Variants in SCN1A observed in about 807,000 individuals in gnomAD.
The protein encoded by SCN1A is sodium channel protein type 1 subunit alpha.
A neutral mutation model predicts 193.7 loss-of-function variants in SCN1A; 13 were observed. That is an observed-to-expected ratio of 0.07 (90% confidence interval 0.04 to 0.11). The LOEUF (loss-of-function observed/expected upper bound fraction) is 0.11. Among genes scored for constraint, SCN1A ranks in the 10% least tolerant of loss-of-function variants. The pLI is 1.00. For synonymous variants in SCN1A, 781 were observed against 843.6 expected, an observed-to-expected ratio of 0.93 and a Z score of 1.29; for missense variants, 1,432 against 2,451.1, an observed-to-expected ratio of 0.58 and a Z score of 8.78.
chr2:166,101,792 A>G (rs1285435930), intron 2 of SCN1A, among the ~76,000 whole-genome samples: 1 of 152,152 alleles, frequency 6.6e-6, no homozygotes, highest in Admixed American at 6.6e-5. Flanking sequence ...AAACTAAGAA[A>G]TACCTCGATT....
chr2:166,096,761 T>A (rs1183571050), intron 2 of SCN1A, among the ~76,000 whole-genome samples: 1 of 152,214 alleles, frequency 6.6e-6, no homozygotes, highest in Admixed American at 6.5e-5. Context: ...TTTTATTCTA[T>A]GCTATTCTAG....
intron 2 of SCN1A, among the ~76,000 whole-genome samples, chr2:166,116,732 C>A (rs1405125158): frequency 6.6e-6 from 1 of 152,050 alleles, no homozygotes; most frequent in Non-Finnish European, 1.5e-5. Flanking sequence ...ACAAAAAATT[C>A]TTCTTTATAA....
chr2:166,075,384 T>C (rs1684888571), intron 3 of SCN1A: 1 of 152,050 alleles, frequency 6.6e-6, no homozygotes, highest in Non-Finnish European at 1.5e-5. Flanking sequence ...AGTGTATGTA[T>C]ACATATTCTA....
intron 4 of SCN1A, among the ~76,000 whole-genome samples, chr2:166,068,309 G>C (rs1029554395): frequency 6.6e-6 from 1 of 152,118 alleles, no homozygotes; most frequent in Non-Finnish European, 1.5e-5. Context: ...TCATTTTATT[G>C]ATCAACATCA....
intron 19 of SCN1A, among the ~76,000 whole-genome samples, chr2:166,028,869 C>T (rs149006024): frequency 4.1e-4 from 63 of 152,182 alleles, no homozygotes; most frequent in Non-Finnish European, 6.6e-4. Flanking sequence ...GCAATTGCCA[C>T]ACACTCTAAT....
Position 165,992,603 on chromosome 2 carries a change from TCAG to T in SCN1A, c.4853-184_4853-182del, listed in dbSNP as rs1396345740. On this transcript the variant is annotated intron_variant, in intron 28 of 28. Transcript: ENST00000674923. The surrounding 1 kb of genome is among the most constrained non-coding windows in gnomAD (Gnocchi z 6.5). ...ATATTATAAATCTTAATTTTGAAATTCAGCAATAATTTCAATTATAAGGATTAT... is the reference window on the plus strand; with the variant it reads ...ATATTATAAATCTTAATTTTGAAATTCAATAATTTCAATTATAAGGATTAT... The T allele has an allele frequency of 6.3e-6, 2 of 317,746 alleles. No individual in the cohort carries two copies. Among genetic ancestry groups the T allele is most frequent in the African/African-American group, 4.4e-5 (2 of 45,734 alleles). 19.7% of individuals were successfully genotyped at this position (317,746 alleles called of 1,614,324 possible).
chr2:166,040,385 C>G (rs1697025261), intron 16 of SCN1A, among the ~76,000 whole-genome samples: 1 of 152,100 alleles, frequency 6.6e-6, no homozygotes, highest in African/African-American at 2.4e-5. Flanking sequence ...ATCTATTATA[C>G]TAGGTGCATT....
intron 19 of SCN1A, among the ~76,000 whole-genome samples, chr2:166,028,677 T>G (rs1164909047): frequency 1.3e-5 from 2 of 152,204 alleles, no homozygotes; most frequent in African/African-American, 4.8e-5. Context: ...ATTTGATAAA[T>G]GGTAACAATT....
chr2:166,005,103 T>C (rs181103957), intron 23 of SCN1A, among the ~76,000 whole-genome samples: 1 of 151,548 alleles, frequency 6.6e-6, no homozygotes, highest in Admixed American at 6.6e-5. Context: ...TATTACTCTG[T>C]ACTAGAGTTC....
At chr2:166,047,586 T>A in intron 11 of SCN1A, 41 bp downstream of exon 11, 1 of 1,607,952 alleles carries the variant, frequency 6.2e-7, no homozygotes, top group Non-Finnish European at 8.5e-7. Context: ...TTTTCTTGTA[T>A]ACTTTTACTT....
At chr2:166,032,239 A>ATGGAGCTGACT (rs1559183888) in intron 19 of SCN1A, among the ~76,000 whole-genome samples, 3 of 108,868 alleles carry the variant, frequency 2.8e-5, no homozygotes, top group South Asian at 3.5e-4. Context: ...ACACACAGAG[A>ATGGAGCTGACT]CAGAGAGAGA....
At chr2:166,125,821 A>G (rs1264003922) in intron 2 of SCN1A, among the ~76,000 whole-genome samples, 1 of 151,970 alleles carries the variant, frequency 6.6e-6, no homozygotes, top group Non-Finnish European at 1.5e-5. Context: ...CCCTCCTGCC[A>G]TGTCTTAAAG....
intron 2 of SCN1A, among the ~76,000 whole-genome samples, chr2:166,124,649 T>C (rs1013126233): frequency 2.0e-5 from 3 of 152,200 alleles, no homozygotes; most frequent in Admixed American, 6.5e-5. Flanking sequence ...GCAGATGAAT[T>C]ACAGCTCACA....
In SCN1A at chr2:165,991,100, C is replaced by T. The variant is rs1689064650; in HGVS notation, c.*145G>A. 7 of 702,048 alleles carry T rather than the reference C, an allele frequency of 1.0e-5. No individual in the cohort carries two copies. The highest frequency in any genetic ancestry group is 1.7e-5 in the Non-Finnish European group (7 of 423,998). 43.5% of individuals were successfully genotyped at this position (702,048 alleles called of 1,614,324 possible). On this transcript the variant is annotated 3_prime_UTR_variant, in exon 29 of 29. Transcript: ENST00000674923. ...CAGTTTGCTGACAAGGGGTCACTGT[C>T]TTATTGTAGGCACTGACCTTAAGGA...
chr2:166,088,597 T>C (rs118104394), intron 2 of SCN1A, among the ~76,000 whole-genome samples: 2,466 of 152,308 alleles, frequency 0.016, 36 homozygotes, highest in Middle Eastern at 0.037. Flanking sequence ...TTAAATACTA[T>C]TATTACAGTC....
chr2:166,129,603 C>G (rs1337799477), upstream of SCN1A, among the ~76,000 whole-genome samples: 1 of 152,040 alleles, frequency 6.6e-6, no homozygotes, highest in African/African-American at 2.4e-5. Flanking sequence ...GATGAGGAGA[C>G]AGGTGATCAA....
intron 19 of SCN1A, among the ~76,000 whole-genome samples, chr2:166,031,876 C>T (rs1222195379): frequency 5.3e-5 from 8 of 152,044 alleles, no homozygotes; most frequent in South Asian, 2.1e-4. Flanking sequence ...ACACAGTAAG[C>T]GGCTAAAATG....
intron 19 of SCN1A, among the ~76,000 whole-genome samples, chr2:166,026,529 T>C (rs1178293886): frequency 6.6e-6 from 1 of 152,164 alleles, no homozygotes; most frequent in Admixed American, 6.5e-5. Context: ...TAAGTATTTT[T>C]ACAGATTTAA....
upstream of SCN1A, among the ~76,000 whole-genome samples, chr2:166,129,457 T>C (rs490463): frequency 0.86 from 130,404 of 152,222 alleles, 56,018 homozygotes; most frequent in East Asian, 0.98. Flanking sequence ...TAATTTCCTG[T>C]TCCAGCTCAA....
Sources: allele counts gnomAD v4.1 joint callset (sites outside exome capture counted in the v4.1 genomes callset), GRCh38; gene constraint gnomAD v4.1.1; non-coding constraint Gnocchi (gnomAD v3.1); transcripts MANE v1.5; gene names NCBI Gene and HGNC (gene_info 2026-07-23, HGNC 2026-07-21).